MTR: variants seen among roughly 807,000 people sequenced by gnomAD.
MTR encodes 5-methyltetrahydrofolate-homocysteine methyltransferase, also known as methionine synthase.
MTR carries 84 observed loss-of-function variants against 154.8 expected under a neutral mutation model. The observed-to-expected ratio is 0.54, with a 90% CI of 0.45 to 0.65. MTR has a LOEUF of 0.65. Ranked by LOEUF, MTR falls within the 30% of genes least tolerant of loss-of-function variation. MTR has a pLI of 0.00. For synonymous variants in MTR, 554 were observed against 553.9 expected (o/e 1.00, Z 0.00); for missense variants, 1,275 against 1,570.2 (o/e 0.81, Z 3.18).
chr1:236,796,694 A>G (rs1660408047), intron 1 of MTR, among the ~76,000 whole-genome samples: 1 of 151,808 alleles, frequency 6.6e-6, no homozygotes, highest in South Asian at 2.1e-4. Flanking sequence ...CACTGCTGTT[A>G]TTAAATAAGA....
intron 1 of MTR, chr1:236,800,312 C>T: frequency 1.0e-6 from 1 of 985,310 alleles, no homozygotes; most frequent in Non-Finnish European, 1.2e-6. Context: ...GTTTGAATAC[C>T]TTTTAAATAT....
chr1:236,873,627 G>A (rs1219486671), intron 22 of MTR, 146 bp from the exon 23 acceptor site: 1 of 713,026 alleles, frequency 1.4e-6, no homozygotes, highest in Non-Finnish European at 2.5e-6. Context: ...TAGTTGTGGT[G>A]GTAATCCTCA....
intron 18 of MTR, among the ~76,000 whole-genome samples, chr1:236,854,194 C>G (rs943543780): frequency 1.3e-5 from 2 of 152,180 alleles, no homozygotes; most frequent in Admixed American, 1.3e-4. Flanking sequence ...GTTTTATCAG[C>G]CTTACTGGTA....
At chr1:236,832,924 C>T (rs1450017784) in intron 13 of MTR, among the ~76,000 whole-genome samples, 2 of 152,216 alleles carry the variant, frequency 1.3e-5, no homozygotes, top group Non-Finnish European at 1.5e-5. Context: ...CCCAGTTTCA[C>T]CACTTCCTCT....
intron 8 of MTR, among the ~76,000 whole-genome samples, chr1:236,820,922 T>C (rs148585050): frequency 3.3e-5 from 5 of 152,390 alleles, no homozygotes; most frequent in Non-Finnish European, 5.9e-5. Flanking sequence ...TCTTTTCATA[T>C]GCTTACTTGC....
At position 236,901,031 on chromosome 1, in the gene MTR, C is replaced by G. The variant is rs1029995590; in HGVS notation, c.*3387C>G. 1.3e-5 allele frequency: 2 copies of G among 153,064 alleles called. No individual in the cohort carries two copies. Among genetic ancestry groups the G allele is most frequent in the African/African-American group, 4.8e-5 (2 of 41,404 alleles). The allele number at this position is 153,064 out of a possible 1,614,324, so 9.5% of individuals were successfully genotyped here. A position where few individuals can be genotyped will look rare whatever the true frequency, so the allele number is the denominator to read the frequency against. ...TCAGGCTGCAGTGCGATGGGATCAT[C>G]TATGGAGCATATGAGGAGAAGAGAA... On this transcript the variant is annotated 3_prime_UTR_variant, in exon 33 of 33. Transcript: ENST00000366577.
At position 236,808,771 on chromosome 1, in the gene MTR, CAGGT is replaced by C; in HGVS notation, c.409+2_409+5del. On this transcript the variant is annotated splice_donor_variant and coding_sequence_variant, in exon 4 of 33. Coordinates refer to ENST00000366577, the MANE Select transcript of MTR (RefSeq NM_000254.3). LOFTEE classifies it high-confidence loss of function. ...GCTGCCGAGGAGGTAACTCTCCAGA[CAGGT>C]AGGGAATGTTCTTCTCTTTTTTTGC... 1 of 1,614,018 alleles carries C rather than the reference CAGGT, an allele frequency of 6.2e-7. No individual in the cohort carries two copies. The highest frequency in any genetic ancestry group is 8.5e-7 in the Non-Finnish European group (1 of 1,179,884).
chr1:236,852,172 C>T (rs1025360969), intron 16 of MTR, among the ~76,000 whole-genome samples: 1 of 152,072 alleles, frequency 6.6e-6, no homozygotes, highest in Non-Finnish European at 1.5e-5. Flanking sequence ...TCATAGTGAA[C>T]TAGGGAGTCT....
intron 15 of MTR, among the ~76,000 whole-genome samples, chr1:236,841,038 C>T (rs1008698425): frequency 3.3e-5 from 5 of 152,108 alleles, no homozygotes; most frequent in African/African-American, 1.2e-4. Context: ...CAAATAGTTC[C>T]GTAAACAAAA....
rs955032630 is a variant in MTR, at chr1:236,852,710, GC to G, written c.1812+74del. ...GGCAGGGGTTTTCAAAGTGTGGCAT[GC>G]AGGCTAAGTCCGGCCTGCTGCCAGT... On this transcript the variant is annotated intron_variant, in intron 17 of 32. Transcript: ENST00000366577. 4 of 1,371,030 alleles carry G rather than the reference GC, an allele frequency of 2.9e-6. No homozygotes were observed. In the Admixed American group the frequency reaches 6.7e-5, roughly 23 times the overall value. 84.9% of individuals were successfully genotyped at this position (1,371,030 alleles called of 1,614,324 possible). A position where few individuals can be genotyped will look rare whatever the true frequency, so the allele number is the denominator to read the frequency against.
chr1:236,798,412 T>C (rs1660519932), intron 1 of MTR, among the ~76,000 whole-genome samples: 1 of 152,226 alleles, frequency 6.6e-6, no homozygotes, highest in Non-Finnish European at 1.5e-5. Context: ...TTTAACCACT[T>C]ATACCTATGT....
chr1:236,817,259 C>A (rs945581271), intron 8 of MTR, among the ~76,000 whole-genome samples: 1 of 150,560 alleles, frequency 6.6e-6, no homozygotes, highest in Admixed American at 6.6e-5. Flanking sequence ...CTTTTTTCTT[C>A]TATTCCTACT....
chr1:236,846,611 T>C (rs1356733545), intron 15 of MTR, among the ~76,000 whole-genome samples: 1 of 152,202 alleles, frequency 6.6e-6, no homozygotes, highest in Non-Finnish European at 1.5e-5. Context: ...GATTTGTCAT[T>C]GAGGAACATG....
intron 14 of MTR, among the ~76,000 whole-genome samples, chr1:236,836,768 G>A (rs1396670354): frequency 6.6e-6 from 1 of 152,088 alleles, no homozygotes; most frequent in Non-Finnish European, 1.5e-5. Context: ...GAGAATTTAA[G>A]GTACAAAGAA....
At chr1:236,869,339 C>T (rs1349064639) in intron 22 of MTR, among the ~76,000 whole-genome samples, 2 of 152,152 alleles carry the variant, frequency 1.3e-5, no homozygotes, top group African/African-American at 4.8e-5. Flanking sequence ...TGCTTGCTCT[C>T]ATAGCTCTAT....
At chr1:236,831,914 A>C in intron 12 of MTR, 52 bp from the exon 13 acceptor site, 1 of 1,262,032 alleles carries the variant, frequency 7.9e-7, no homozygotes, top group Non-Finnish European at 1.2e-6. Flanking sequence ...TGTCTGTCTC[A>C]TGTCATCCAT....
Position 236,864,268 on chromosome 1 carries a change from A to C in MTR, c.2405+714A>C, listed in dbSNP as rs181104023. On this transcript the variant is annotated intron_variant, in intron 22 of 32. Coordinates refer to ENST00000366577, the MANE Select transcript of MTR (RefSeq NM_000254.3). The stretch of plus-strand genomic sequence containing the variant: ...CTTTTGAGTCATAGACTTCTTTCCA[A>C]TGTGCCATTTTCTCTAGATAGAGAA... 7.9e-4 allele frequency among the ~76,000 whole-genome samples: 120 copies of C among 152,246 alleles called. 3 individuals are homozygous for C. Among genetic ancestry groups the C allele is most frequent in the African/African-American group, 2.8e-3 (118 of 41,546 alleles).
rs1666937437 is a variant in MTR, at chr1:236,902,007, C to T, written c.*4363C>T. 6.6e-6 allele frequency: 1 copy of T among 152,290 alleles called. No individual in the cohort carries two copies. The highest frequency in any genetic ancestry group is 1.5e-5 in the Non-Finnish European group (1 of 68,112). The allele number at this position is 152,290 out of a possible 1,614,324, so 9.4% of individuals were successfully genotyped here. On this transcript the variant is annotated 3_prime_UTR_variant, in exon 33 of 33. Coordinates refer to ENST00000366577, the MANE Select transcript of MTR (RefSeq NM_000254.3). ...GTTCTCATCATTTCTCCTCTGGATT[C>T]ATCTGCAACACAGGCTGCCGGGTTG...
rs1387815304 is a variant in MTR at position 236,897,598 on chromosome 1, A to G, written c.3752A>G (p.Glu1251Gly). The change falls in exon 33 of 33, where the codon GAG becomes GGG. Residue 1251 changes from glutamate to glycine, a missense_variant. Glu to Gly is a moderately conservative substitution (Grantham distance 98). Coordinates refer to ENST00000366577, the MANE Select transcript of MTR (RefSeq NM_000254.3). ...TTGAGGAAGAACATATCTGTGGCTG[A>G]GGTTGAGAAATGGCTTGGACCCATT... The part of the protein sequence containing the change: ...YALRKNISVA[E>G]VEKWLGPILG... 1 of 1,613,128 alleles carries G rather than the reference A, an allele frequency of 6.2e-7. No individual in the cohort carries two copies. The highest frequency in any genetic ancestry group is 1.3e-5 in the African/African-American group (1 of 74,762).
Sources: allele counts gnomAD v4.1 joint callset (sites outside exome capture counted in the v4.1 genomes callset), GRCh38; gene constraint gnomAD v4.1.1; transcripts MANE v1.5; gene names NCBI Gene and HGNC (gene_info 2026-07-23, HGNC 2026-07-21).